The following ARMS2 variants were observed in gnomAD, a reference collection of about 807,000 sequenced individuals.
The protein encoded by ARMS2 is age-related maculopathy susceptibility protein 2.
A neutral mutation model predicts 6.0 loss-of-function variants in ARMS2; 4 were observed. The observed-to-expected ratio is 0.67, with a 90% confidence interval of 0.33 to 1.53. The LOEUF (loss-of-function observed/expected upper bound fraction) is 1.53, where lower values mean the gene tolerates loss of function less well. Ranked by LOEUF, ARMS2 falls within the 40% of genes most tolerant of loss-of-function variation. The probability of loss-of-function intolerance (pLI) is 0.06; values close to 1 mark genes in which losing one functional copy is unlikely to be tolerated. For synonymous variants in ARMS2, 49 were observed against 51.7 expected (o/e 0.95, Z 0.22); for missense variants, 99 against 127.6 (o/e 0.78, Z 1.08).
chr10:122,456,090 T>C (rs1439010782), intron 1 of ARMS2, among the ~76,000 whole-genome samples: 1 of 152,152 alleles, frequency 6.6e-6, no homozygotes, highest in Non-Finnish European at 1.5e-5. Flanking sequence ...CCTAAATTAA[T>C]AAAAGATCTG....
chr10:122,454,886 C>T lies in ARMS2; in HGVS notation c.159C>T (p.Asp53=). The T allele has an allele frequency of 6.2e-7, 1 of 1,613,946 alleles. No homozygotes were observed. Among genetic ancestry groups the T allele is most frequent in the South Asian group, 1.1e-5 (1 of 91,074 alleles). ...GAGTTGGTGGAGAAGGAGCCAGTGA[C>T]AAGCAGAGGAGCAAACTGTCTTTAT... The part of the protein sequence containing the change: ...DPGVGGEGAS[D]KQRSKLSLSH... The change falls in exon 1 of 2, where the codon GAC becomes GAT. Residue 53 remains aspartate, a synonymous_variant. Coordinates refer to ENST00000528446, the MANE Select transcript of ARMS2 (RefSeq NM_001099667.3).
At position 122,456,951 on chromosome 10, in the gene ARMS2, T is replaced by C; in HGVS notation, c.*18T>C. The C allele has an allele frequency of 6.4e-7, 1 of 1,551,376 alleles. No individual in the cohort carries two copies. ...CAAGGTGATTCTGCCAAAACATATC[T>C]CCTTAAAAGCCAACTGGAGCTTCTC... On this transcript the variant is annotated 3_prime_UTR_variant, in exon 2 of 2. Transcript: ENST00000528446.
At position 122,457,146 on chromosome 10, in the gene ARMS2, A is replaced by T; in HGVS notation, c.*213A>T. On this transcript the variant is annotated 3_prime_UTR_variant, in exon 2 of 2. Coordinates refer to ENST00000528446, the MANE Select transcript of ARMS2 (RefSeq NM_001099667.3). ...CCCACCTGGGCGGACTCATCACGTC[A>T]TCACCAATTGGATGCATCTTCTGCT... 1 of 573,550 alleles carries T rather than the reference A, an allele frequency of 1.7e-6. No homozygotes were observed. Among genetic ancestry groups the T allele is most frequent in the Middle Eastern group, 4.1e-4 (1 of 2,442 alleles). The allele number at this position is 573,550 out of a possible 1,614,324, so 35.5% of individuals were successfully genotyped here.
intron 1 of ARMS2, among the ~76,000 whole-genome samples, chr10:122,455,381 T>A (rs2097476354): frequency 6.6e-6 from 1 of 152,002 alleles, no homozygotes; most frequent in Non-Finnish European, 1.5e-5. Context: ...CTGAAGGAGG[T>A]GGAAACCTCA....
At position 122,457,086 on chromosome 10, in the gene ARMS2, C is replaced by A; in HGVS notation, c.*153C>A. ...CCTCAACTGTCCACAGGACTCTCTT[C>A]CCACCTGCGGCCACACTGTGCAACC... On this transcript the variant is annotated 3_prime_UTR_variant, in exon 2 of 2. Coordinates refer to ENST00000528446, the MANE Select transcript of ARMS2 (RefSeq NM_001099667.3). The A allele has an allele frequency of 2.0e-6, 2 of 999,384 alleles. No homozygotes were observed. The highest frequency in any genetic ancestry group is 2.9e-6 in the Non-Finnish European group (2 of 686,524). 61.9% of individuals were successfully genotyped at this position (999,384 alleles called of 1,614,324 possible).
intron 1 of ARMS2, 148 bp downstream of exon 1, chr10:122,455,172 G>A: frequency 1.7e-6 from 1 of 599,222 alleles, no homozygotes; most frequent in Non-Finnish European, 3.0e-6. Context: ...GGAGGCCTAG[G>A]CAATTCAGCC....
intron 1 of ARMS2, among the ~76,000 whole-genome samples, chr10:122,455,656 C>T (rs946844364): frequency 3.9e-5 from 6 of 152,250 alleles, no homozygotes; most frequent in African/African-American, 7.2e-5. Context: ...CTAATGCTTA[C>T]GGAACTGTGG....
intron 1 of ARMS2, among the ~76,000 whole-genome samples, chr10:122,456,075 G>T (rs754283853): frequency 2.6e-5 from 4 of 152,022 alleles, no homozygotes; most frequent in Non-Finnish European, 5.9e-5. Context: ...TAGGGGAAGG[G>T]TTCGCCTAAA....
At position 122,454,724 on chromosome 10, in the gene ARMS2, C is replaced by T. The variant is rs1354257685; in HGVS notation, c.-4C>T. 3.1e-6 allele frequency: 5 copies of T among 1,613,512 alleles called. No homozygotes were observed. Among genetic ancestry groups the T allele is most frequent in the South Asian group, 1.1e-5 (1 of 91,046 alleles). ...TGTCACCACATTATGTCCCTGTACC[C>T]TACATGCTGCGCCTATACCCAGGAC... On this transcript the variant is annotated 5_prime_UTR_variant, in exon 1 of 2. Transcript: ENST00000528446.
In ARMS2 at chr10:122,454,672, G is replaced by A. The variant is rs941445931; in HGVS notation, c.-56G>A. ...ATGCTCCTGGCTGAGTGAGATGGCA[G>A]CTGGCTTGGCAAGGGGACAGCACCT... On this transcript the variant is annotated 5_prime_UTR_variant, in exon 1 of 2. Transcript: ENST00000528446. 4.4e-6 allele frequency: 7 copies of A among 1,583,862 alleles called. No individual in the cohort carries two copies. Among genetic ancestry groups the A allele is most frequent in the East Asian group, 2.3e-5 (1 of 44,350 alleles).
intron 1 of ARMS2, 150 bp downstream of exon 1, chr10:122,455,174 A>G: frequency 1.7e-6 from 1 of 595,880 alleles, no homozygotes; most frequent in South Asian, 2.1e-5. Context: ...AGGCCTAGGC[A>G]ATTCAGCCTT....
At chr10:122,455,898 G>A (rs191256227) in intron 1 of ARMS2, among the ~76,000 whole-genome samples, 1 of 152,160 alleles carries the variant, frequency 6.6e-6, no homozygotes, top group African/African-American at 2.4e-5. Context: ...TGTCATTCAA[G>A]ACCTTTCGGT....
intron 1 of ARMS2, among the ~76,000 whole-genome samples, chr10:122,456,149 C>G (rs1456664868): frequency 1.3e-5 from 2 of 151,988 alleles, no homozygotes; most frequent in Non-Finnish European, 2.9e-5. Context: ...TAAAAGGAAA[C>G]TGAGCAGCAG....
intron 1 of ARMS2, among the ~76,000 whole-genome samples, chr10:122,456,576 C>T (rs1264313008): frequency 5.9e-5 from 9 of 151,766 alleles, no homozygotes; most frequent in African/African-American, 9.7e-5. Flanking sequence ...ATCGCTAGAA[C>T]CTGGGAGGTG....
rs1375215154 is a variant in ARMS2 at position 122,456,209 on chromosome 10, A to C, written c.298-698A>C. On this transcript the variant is annotated intron_variant, in intron 1 of 1. Transcript: ENST00000528446. ...ATCTATATTTAACTAATAGACATGA[A>C]TGTTTTGATTTGATATTAGAAATGC... 2.0e-5 allele frequency among the ~76,000 whole-genome samples: 3 copies of C among 151,890 alleles called. No individual in the cohort carries two copies. The East Asian group carries it at 5.8e-4, about 29-fold the overall frequency.
chr10:122,456,653 C>CAA (rs111270448), intron 1 of ARMS2, among the ~76,000 whole-genome samples: 5 of 122,456 alleles, frequency 4.1e-5, no homozygotes, highest in South Asian at 5.2e-4. Context: ...GACTCTATCT[C>CAA]AAAAAAAAAA....
intron 1 of ARMS2, 77 bp downstream of exon 1, chr10:122,455,101 A>AT: frequency 2.4e-6 from 2 of 821,138 alleles, no homozygotes; most frequent in Non-Finnish European, 3.9e-6. Context: ...TGCAGCTTGC[A>AT]TTTTAACCAG....
Position 122,455,596 on chromosome 10 carries a change from C to A in ARMS2, c.297+572C>A, listed in dbSNP as rs543561949. On this transcript the variant is annotated intron_variant, in intron 1 of 1. Transcript: ENST00000528446. ...AGGTCACGTTGGTTTAAAATTTAGACATCAAGCAGCTTAGAGACCATGTTG... is the reference window on the plus strand; with the variant it reads ...AGGTCACGTTGGTTTAAAATTTAGAAATCAAGCAGCTTAGAGACCATGTTG... Among the ~76,000 whole-genome samples the A allele has an allele frequency of 2.0e-5, 3 of 152,294 alleles. No individual in the cohort carries two copies. The East Asian group carries it at 5.8e-4, about 29-fold the overall frequency.
chr10:122,454,822 C>T lies in ARMS2; in HGVS notation c.95C>T (p.Ser32Phe). 6.2e-7 allele frequency: 1 copy of T among 1,614,008 alleles called. No individual in the cohort carries two copies. ...ASLSSSVVPV[S>F]FISTLRESVL... The stretch of plus-strand genomic sequence containing the variant: ...CTGTCCTCCTCGGTGGTTCCTGTGT[C>T]CTTCATTTCCACTCTGCGAGAGTCT... Residue 32 changes from serine (S) to phenylalanine (F), a missense_variant, in exon 1 of 2, where the codon TCC becomes TTC. Transcript: ENST00000528446.
Sources: allele counts gnomAD v4.1 joint callset (sites outside exome capture counted in the v4.1 genomes callset), GRCh38; gene constraint gnomAD v4.1.1; transcripts MANE v1.5; gene names NCBI Gene and HGNC (gene_info 2026-07-23, HGNC 2026-07-21).